FDFT1: variants seen among roughly 807,000 people sequenced by gnomAD.
The protein encoded by FDFT1 is squalene synthase.
Under a neutral mutation model 46.8 loss-of-function variants are expected in FDFT1, and 68 were observed. The ratio of observed to expected loss-of-function variants is 1.45; its 90% CI spans 1.19 to 1.78. The LOEUF (loss-of-function observed/expected upper bound fraction) is 1.78. Among genes scored for constraint, FDFT1 ranks in the 40% most tolerant of loss-of-function variants. The probability of loss-of-function intolerance (pLI) is 0.00; values close to 1 mark genes in which losing one functional copy is unlikely to be tolerated. For missense variants in FDFT1, 928 were observed against 524.4 expected, an observed-to-expected ratio of 1.77 and a Z score of -7.52; for synonymous variants, 351 against 185.1, an observed-to-expected ratio of 1.90 and a Z score of -7.28.
intron 4 of FDFT1, among the ~76,000 whole-genome samples, chr8:11,823,031 C>G (rs1054165172): frequency 6.6e-6 from 1 of 152,060 alleles, no homozygotes; most frequent in African/African-American, 2.4e-5. Flanking sequence ...CACGGCTCCC[C>G]GCAGCCTCAA....
chr8:11,824,715 T>TGAA (rs1458390411), intron 4 of FDFT1, among the ~76,000 whole-genome samples: 6 of 152,182 alleles, frequency 3.9e-5, no homozygotes, highest in Admixed American at 3.9e-4. Flanking sequence ...TTGTGAGGAT[T>TGAA]GAATGTGCAG....
intron 3 of FDFT1, among the ~76,000 whole-genome samples, chr8:11,814,422 C>G (rs146206299): frequency 1.3e-3 from 192 of 151,452 alleles, no homozygotes; most frequent in African/African-American, 4.5e-3. Flanking sequence ...CCTCTGGGCT[C>G]TTAATTTTAG....
intron 2 of FDFT1, chr8:11,809,266 C>A: frequency 9.0e-7 from 1 of 1,115,880 alleles, no homozygotes; most frequent in Non-Finnish European, 1.1e-6. Flanking sequence ...GCACATTACA[C>A]CCATGAACTT....
chr8:11,800,156 G>A (rs1309538146), upstream of FDFT1, among the ~76,000 whole-genome samples: 1 of 149,506 alleles, frequency 6.7e-6, no homozygotes, highest in African/African-American at 2.5e-5. Flanking sequence ...AGCTACTCGG[G>A]AGGCTGAGGC....
chr8:11,830,309 G>A lies in FDFT1; in HGVS notation c.768G>A (p.Val256=). 2 of 1,613,876 alleles carry A rather than the reference G, an allele frequency of 1.2e-6. No individual in the cohort carries two copies. Among genetic ancestry groups the A allele is most frequent in the Non-Finnish European group, 1.7e-6 (2 of 1,179,764 alleles). The change falls in exon 6 of 8, where the codon GTG becomes GTA. Residue 256 remains valine, a synonymous_variant. Coordinates refer to ENST00000220584, the MANE Select transcript of FDFT1 (RefSeq NM_004462.5). ...FAKPENIDLA[V]QCLNELITNA... is the part of the protein sequence containing the mutation. ...AGCCGGAGAATATTGACTTGGCCGTGCAGTGCCTGAATGAACTTATAACCA... is the reference window on the plus strand; with the variant it reads ...AGCCGGAGAATATTGACTTGGCCGTACAGTGCCTGAATGAACTTATAACCA...
chr8:11,807,617 C>G (rs777470648), intron 1 of FDFT1, among the ~76,000 whole-genome samples: 3 of 152,228 alleles, frequency 2.0e-5, no homozygotes, highest in Non-Finnish European at 2.9e-5. Flanking sequence ...ATACATAGTA[C>G]AAACAGCAAC....
chr8:11,803,383 T>A, intron 1 of FDFT1: 4 of 1,289,782 alleles, frequency 3.1e-6, no homozygotes, highest in South Asian at 2.5e-5. Context: ...CACCACCTCT[T>A]CCGGAGCTCT....
At chr8:11,836,111 C>T (rs1037917426) in intron 7 of FDFT1, among the ~76,000 whole-genome samples, 3 of 151,430 alleles carry the variant, frequency 2.0e-5, no homozygotes, top group Admixed American at 6.6e-5. Context: ...CAAGATTGCA[C>T]CACTGCACTC....
intron 7 of FDFT1, among the ~76,000 whole-genome samples, chr8:11,835,971 T>TAAAAAAAAAAAAAAAA (rs755611965): frequency 2.6e-4 from 17 of 64,602 alleles, no homozygotes; most frequent in South Asian, 6.3e-4. Flanking sequence ...CTGTCTCTAC[T>TAAAAAAAAAAAAAAAA]AAAAAAAAAA....
chr8:11,824,045 C>A (rs1056586797), intron 4 of FDFT1, among the ~76,000 whole-genome samples: 14 of 151,980 alleles, frequency 9.2e-5, no homozygotes, highest in African/African-American at 3.1e-4. Context: ...AAATTTTTTA[C>A]AGAGATGAGG....
intron 1 of FDFT1, among the ~76,000 whole-genome samples, chr8:11,807,443 G>A (rs1035966899): frequency 7.0e-4 from 106 of 152,246 alleles, no homozygotes; most frequent in African/African-American, 2.5e-3. Context: ...GATTATAGGC[G>A]TGCGCCACTG....
At chr8:11,808,730 CCA>C in intron 1 of FDFT1, 62 bp from the exon 2 acceptor site, 1 of 1,576,106 alleles carries the variant, frequency 6.3e-7, no homozygotes, top group Non-Finnish European at 8.6e-7. Context: ...ACTCCCACTC[CCA>C]CTCCCACTCC....
rs555746329 is a variant in FDFT1, at chr8:11,811,828, G to A, written c.381+1978G>A. ...AGATGTACTAAGTTGTGTGTTTTGC[G>A]TGCATATATAATTTTAAGCTACTTG... On this transcript the variant is annotated intron_variant, in intron 3 of 7. Transcript: ENST00000220584. Among the ~76,000 whole-genome samples the A allele has an allele frequency of 5.9e-5, 9 of 152,292 alleles. 1 individual carries two copies. The Middle Eastern group carries it at 0.01, about 173-fold the overall frequency.
intron 3 of FDFT1, among the ~76,000 whole-genome samples, chr8:11,819,383 G>A (rs767156051): frequency 6.6e-6 from 1 of 152,138 alleles, no homozygotes; most frequent in Non-Finnish European, 1.5e-5. Context: ...TCCTGAATTT[G>A]AATGTTGACC....
chr8:11,804,934 G>GT (rs1272534894), intron 1 of FDFT1, among the ~76,000 whole-genome samples: 3 of 144,526 alleles, frequency 2.1e-5, no homozygotes, highest in South Asian at 2.2e-4. Flanking sequence ...TTGAGGGGGG[G>GT]GTCTCACTCC....
At chr8:11,831,742 G>T in intron 7 of FDFT1, 72 bp downstream of exon 7, 2 of 1,262,596 alleles carry the variant, frequency 1.6e-6, no homozygotes, top group Non-Finnish European at 2.3e-6. Context: ...TGTTTAACCA[G>T]GTTTGGATAT....
intron 1 of FDFT1, among the ~76,000 whole-genome samples, chr8:11,796,585 G>C (rs1057453184): frequency 1.3e-5 from 2 of 152,190 alleles, no homozygotes; most frequent in Non-Finnish European, 2.9e-5. Context: ...GGTGGAAAAG[G>C]GGAAGGCTGC....
chr8:11,834,831 T>A (rs554325458), intron 7 of FDFT1, among the ~76,000 whole-genome samples: 1 of 152,172 alleles, frequency 6.6e-6, no homozygotes, highest in Non-Finnish European at 1.5e-5. Context: ...GCCTGTGTCA[T>A]TTAATCATCA....
intron 1 of FDFT1, among the ~76,000 whole-genome samples, chr8:11,796,906 T>C (rs996302443): frequency 1.3e-5 from 2 of 152,370 alleles, no homozygotes; most frequent in Non-Finnish European, 2.9e-5. Flanking sequence ...CCGTGACTTT[T>C]CCTGCAGAGT....
Sources: allele counts gnomAD v4.1 joint callset (sites outside exome capture counted in the v4.1 genomes callset), GRCh38; gene constraint gnomAD v4.1.1; transcripts MANE v1.5; gene names NCBI Gene and HGNC (gene_info 2026-07-23, HGNC 2026-07-21).